KCNIP3: variants seen among roughly 807,000 people sequenced by gnomAD.
KCNIP3 encodes the protein potassium voltage-gated channel interacting protein 3.
Under a neutral mutation model 35.0 loss-of-function variants are expected in KCNIP3, and 28 were observed. That is an observed-to-expected ratio of 0.80 (90% CI 0.59 to 1.10). KCNIP3 has a LOEUF of 1.10. KCNIP3 is among the 50% of genes least tolerant of loss of function. The probability of loss-of-function intolerance (pLI) is 0.00; values close to 1 mark genes in which losing one functional copy is unlikely to be tolerated. For missense variants in KCNIP3, 295 were observed against 338.4 expected (o/e 0.87, Z 1.01); for synonymous variants, 134 against 133.8 (o/e 1.00, Z -0.01).
intron 1 of KCNIP3, among the ~76,000 whole-genome samples, chr2:95,309,241 C>T (rs1366270507): frequency 9.2e-5 from 14 of 152,176 alleles, no homozygotes. Context: ...CTGCGGTGCA[C>T]CTCCCTCCTC....
At chr2:95,370,433 T>A (rs767042337) in intron 2 of KCNIP3, among the ~76,000 whole-genome samples, 10 of 152,238 alleles carry the variant, frequency 6.6e-5, no homozygotes, top group Admixed American at 2.6e-4. Context: ...AGCCAACACC[T>A]GAGATGCTTA....
intron 2 of KCNIP3, among the ~76,000 whole-genome samples, chr2:95,337,942 G>C (rs928215292): frequency 1.3e-5 from 2 of 152,212 alleles, no homozygotes; most frequent in Non-Finnish European, 2.9e-5. Context: ...GCCCAACCAC[G>C]GGGCTACAGT....
Position 95,310,515 on chromosome 2 carries a change from G to GCAC in KCNIP3, c.177_178insACC (p.Gly59_Ser60insThr). Reference sequence around the variant, plus strand: ...ATCCTGTCCAGCACAGCCCCACAGGGCTCAGGTAGGGGCCAGGGTGGGCTG... The same window carrying GCAC: ...ATCCTGTCCAGCACAGCCCCACAGGGCACCTCAGGTAGGGGCCAGGGTGGGCTG... On this transcript the variant is annotated inframe_insertion, in exon 2 of 9. Transcript: ENST00000295225. The GCAC allele has an allele frequency of 6.2e-7, 1 of 1,613,354 alleles. No homozygotes were observed. Among genetic ancestry groups the GCAC allele is most frequent in the Admixed American group, 1.7e-5 (1 of 59,988 alleles).
intron 1 of KCNIP3, among the ~76,000 whole-genome samples, chr2:95,297,905 G>A (rs1677916770): frequency 6.6e-6 from 1 of 152,168 alleles, no homozygotes; most frequent in African/African-American, 2.4e-5. Context: ...AGTCACTTGT[G>A]CTTGGAGGTT....
Position 95,384,950 on chromosome 2 carries a change from T to C in KCNIP3, c.*901T>C, listed in dbSNP as rs574189074. The C allele has an allele frequency of 6.5e-6, 1 of 153,230 alleles. No individual in the cohort carries two copies. Among genetic ancestry groups the C allele is most frequent in the African/African-American group, 2.4e-5 (1 of 41,572 alleles). The allele number at this position is 153,230 out of a possible 1,614,324, so 9.5% of individuals were successfully genotyped here. ...GTCCTCTTAGGTCCCGGGAGGAACG[T>C]GGTTCAGAGACTGGCAGCCAGGGAG... On this transcript the variant is annotated 3_prime_UTR_variant, in exon 9 of 9. Transcript: ENST00000295225.
At chr2:95,355,377 G>GGGTA (rs1188576798) in intron 2 of KCNIP3, 1 of 152,128 alleles carries the variant, frequency 6.6e-6, no homozygotes, top group Non-Finnish European at 1.5e-5. Context: ...TTAAGCTGTA[G>GGGTA]GGTACATGTG....
chr2:95,327,227 G>A (rs1418283703), intron 2 of KCNIP3, among the ~76,000 whole-genome samples: 1 of 152,164 alleles, frequency 6.6e-6, no homozygotes, highest in Non-Finnish European at 1.5e-5. Flanking sequence ...CACTAACCAT[G>A]CCCACCTTGT....
intron 2 of KCNIP3, among the ~76,000 whole-genome samples, chr2:95,359,181 C>A (rs1201897362): frequency 1.3e-5 from 2 of 152,118 alleles, no homozygotes. Flanking sequence ...ATTCCAGCAG[C>A]AACTCATAAG....
intron 2 of KCNIP3, among the ~76,000 whole-genome samples, chr2:95,366,695 T>C (rs1679927314): frequency 6.6e-6 from 1 of 152,120 alleles, no homozygotes; most frequent in African/African-American, 2.4e-5. Flanking sequence ...GCGCCCGACA[T>C]TGTCAATATT....
In KCNIP3 at chr2:95,377,208, G is replaced by C. The variant is rs1205813124; in HGVS notation, c.447+2000G>C. ...TGCAACTCATCTGGCTTGCCAGGACGTGCAGAGCTTCCAAAACGATTCCGT... is the reference window on the plus strand; with the variant it reads ...TGCAACTCATCTGGCTTGCCAGGACCTGCAGAGCTTCCAAAACGATTCCGT... On this transcript the variant is annotated intron_variant, in intron 5 of 8. Transcript: ENST00000295225. This position sits in a 1 kb window ranked among gnomAD's most constrained non-coding sequence, Gnocchi z 4.7. Among the ~76,000 whole-genome samples, 1 of 152,254 alleles carries C rather than the reference G, an allele frequency of 6.6e-6. No individual in the cohort carries two copies. Among genetic ancestry groups the C allele is most frequent in the Non-Finnish European group, 1.5e-5 (1 of 68,040 alleles).
chr2:95,342,250 C>T (rs1463994050), intron 2 of KCNIP3, among the ~76,000 whole-genome samples: 1 of 152,154 alleles, frequency 6.6e-6, no homozygotes, highest in Non-Finnish European at 1.5e-5. Flanking sequence ...GGGTTCAAAT[C>T]CTGACTCTGG....
rs142507557 is a variant in KCNIP3 at position 95,302,957 on chromosome 2, C to T, written c.15+5504C>T. On this transcript the variant is annotated intron_variant, in intron 1 of 8. Coordinates refer to ENST00000295225, the MANE Select transcript of KCNIP3 (RefSeq NM_013434.5). ...GCGATGCATCTTGCCCATGCATGTA[C>T]TCCTAGAACGCCACCCGGGAGCCTG... 512 of 152,856 alleles carry T rather than the reference C, an allele frequency of 3.3e-3. 5 individuals are homozygous for T. Among genetic ancestry groups the T allele is most frequent in the Non-Finnish European group, 6.4e-3 (437 of 68,062 alleles). 9.5% of individuals were successfully genotyped at this position (152,856 alleles called of 1,614,324 possible).
intron 2 of KCNIP3, among the ~76,000 whole-genome samples, chr2:95,369,213 A>G (rs1679985863): frequency 6.6e-6 from 1 of 152,182 alleles, no homozygotes; most frequent in Non-Finnish European, 1.5e-5. Context: ...ATCAATTGAT[A>G]TGATTATGTG....
At chr2:95,326,588 T>C (rs2104238570) in intron 2 of KCNIP3, among the ~76,000 whole-genome samples, 1 of 152,338 alleles carries the variant, frequency 6.6e-6, no homozygotes, top group East Asian at 1.9e-4. Flanking sequence ...CGGCTGTGCT[T>C]GTGAATGGCG....
intron 3 of KCNIP3, 136 bp downstream of exon 3, chr2:95,374,556 G>A: frequency 8.7e-7 from 1 of 1,150,580 alleles, no homozygotes; most frequent in Non-Finnish European, 1.2e-6. Flanking sequence ...GTGTGGCGGG[G>A]GCAGGCTCCG....
intron 1 of KCNIP3, among the ~76,000 whole-genome samples, chr2:95,309,643 C>G (rs1019655599): frequency 1.3e-5 from 2 of 152,112 alleles, no homozygotes; most frequent in African/African-American, 2.4e-5. Flanking sequence ...AGGCTGGTCT[C>G]GAACTCCTGA....
rs967598342 is a variant in KCNIP3 at position 95,377,611 on chromosome 2, C to T, written c.447+2403C>T. Among the ~76,000 whole-genome samples, 15 of 152,362 alleles carry T rather than the reference C, an allele frequency of 9.8e-5. No homozygotes were observed. The highest frequency in any genetic ancestry group is 1.3e-4 in the Admixed American group (2 of 15,306). On this transcript the variant is annotated intron_variant, in intron 5 of 8. Coordinates refer to ENST00000295225, the MANE Select transcript of KCNIP3 (RefSeq NM_013434.5). The surrounding 1 kb of genome is among the most constrained non-coding windows in gnomAD (Gnocchi z 4.7). The stretch of plus-strand genomic sequence containing the variant: ...GGTTCCTACACTTTGGCATTCAGAG[C>T]ATGGAGTTACAACTTGCCATGGTTG...
intron 2 of KCNIP3, among the ~76,000 whole-genome samples, chr2:95,342,715 G>C (rs146116297): frequency 3.9e-4 from 59 of 152,212 alleles, no homozygotes; most frequent in African/African-American, 1.4e-3. Context: ...TACTATAATC[G>C]CCTGCTTTTC....
intron 2 of KCNIP3, among the ~76,000 whole-genome samples, chr2:95,333,562 A>G (rs1678985061): frequency 6.6e-6 from 1 of 152,176 alleles, no homozygotes; most frequent in South Asian, 2.1e-4. Context: ...CGTGCTCAGG[A>G]TAGAGTCCTG....
Sources: gnomAD v4.1 joint callset for allele counts (sites outside exome capture counted in the v4.1 genomes callset) on GRCh38, gnomAD v4.1.1 for gene constraint, Gnocchi (gnomAD v3.1) non-coding constraint, MANE v1.5 for transcripts, NCBI Gene and HGNC (gene_info 2026-07-23, HGNC 2026-07-21) for gene names.